Variants in DLG3 observed in about 807,000 individuals in gnomAD.
DLG3 encodes discs large MAGUK scaffold protein 3, also known as disks large homolog 3.
In DLG3, 1 loss-of-function variant was observed where a neutral mutation model predicts 64.1. The observed-to-expected ratio is 0.02, with a 90% CI of 0.01 to 0.07. The LOEUF is 0.07. Ranked by LOEUF, DLG3 falls within the 10% of genes least tolerant of loss-of-function variation. The pLI is 1.00. For synonymous variants in DLG3, 245 were observed against 259.8 expected (o/e 0.94, Z 0.55); for missense variants, 429 against 669.5 (o/e 0.64, Z 3.96).
At position 70,445,422 on chromosome X, in the gene DLG3, A is replaced by G. The variant is rs2086555920; in HGVS notation, c.221A>G (p.Lys74Arg). Residue 74 changes from lysine to arginine, a missense_variant, in exon 1 of 19, where the codon AAG (lysine) becomes AGG (arginine). Around this residue, in one of 9 missense-constraint regions of DLG3, gnomAD observed 123 missense variants for 113.3 expected, o/e 1.09. Coordinates refer to ENST00000374360, the MANE Select transcript of DLG3 (RefSeq NM_021120.4). ...GATPTPRTKA[K>R]LIPTGRDVGP... is the part of the protein sequence containing the mutation. ...ACCCCCACCCCTCGCACCAAGGCCA[A>G]GCTCATCCCCACCGGCCGGGATGTG... The G allele has an allele frequency of 1.7e-6, 2 of 1,195,332 alleles. No individual in the cohort carries two copies. Among genetic ancestry groups the G allele is most frequent in the Non-Finnish European group, 2.3e-6 (2 of 887,536 alleles).
rs761523735 is a variant in DLG3, at chrX:70,495,537, G to C, written c.1819+84G>C. The C allele has an allele frequency of 1.2e-5, 11 of 945,184 alleles. No homozygotes were observed. In the African/African-American group the frequency reaches 1.9e-4, roughly 17 times the overall value. The allele number at this position is 945,184 out of a possible 1,213,427, so 77.9% of individuals were successfully genotyped here. A position where few individuals can be genotyped will look rare whatever the true frequency, so the allele number is the denominator to read the frequency against. On this transcript the variant is annotated intron_variant, in intron 13 of 18. Coordinates refer to ENST00000374360, the MANE Select transcript of DLG3 (RefSeq NM_021120.4). ...TGGGGCTATTGGGGACATGGGTGAGGGTGAAGGGTGAGGGGAGGGCAGTGT... is the reference window on the plus strand; with the variant it reads ...TGGGGCTATTGGGGACATGGGTGAGCGTGAAGGGTGAGGGGAGGGCAGTGT...
Position 70,454,447 on chromosome X carries a change from C to G in DLG3, c.1405+131C>G, listed in dbSNP as rs191828163. The G allele has an allele frequency of 2.9e-4, 163 of 562,858 alleles. No individual in the cohort carries two copies. In the African/African-American group the frequency reaches 3.3e-3, roughly 11 times the overall value. 46.4% of individuals were successfully genotyped at this position (562,858 alleles called of 1,213,427 possible). On this transcript the variant is annotated intron_variant, in intron 9 of 18. Coordinates refer to ENST00000374360, the MANE Select transcript of DLG3 (RefSeq NM_021120.4). ...CTACCTAGAGCAGTAACCTCTTCCT[C>G]TCTCCTTTTCCTGCTGGGTAGGGGT...
chrX:70,485,046 G>T (rs1474822019), intron 10 of DLG3, among the ~76,000 whole-genome samples: 1 of 112,111 alleles, frequency 8.9e-6, no homozygotes, highest in Admixed American at 9.5e-5. Flanking sequence ...CAAGGGATGG[G>T]CTGCTTAGTT....
chrX:70,451,834 C>T (rs900304909), intron 6 of DLG3, 33 bp from the exon 7 acceptor site: 1 of 1,207,342 alleles, frequency 8.3e-7, no homozygotes, highest in Non-Finnish European at 1.1e-6. Context: ...CTGGACCAGT[C>T]TCTGAACTTT....
intron 5 of DLG3, 133 bp from the exon 6 acceptor site, chrX:70,450,506 C>G: frequency 1.1e-6 from 1 of 951,792 alleles, no homozygotes; most frequent in Non-Finnish European, 1.5e-6. Flanking sequence ...TACCTCCTGC[C>G]TCTGCTCCTC....
chrX:70,501,413 C>CTGTCTGTGTGTGTGTGTG (rs1421730747), intron 18 of DLG3, among the ~76,000 whole-genome samples: 9,497 of 93,564 alleles, frequency 0.1, 627 homozygotes, highest in Non-Finnish European at 0.14. Context: ...GTCTGTCTGT[C>CTGTCTGTGTGTGTGTGTG]TGTGTGTGTG....
chrX:70,501,913 C>A (rs1391443558), intron 18 of DLG3, among the ~76,000 whole-genome samples: 1 of 111,473 alleles, frequency 9.0e-6, no homozygotes, highest in Non-Finnish European at 1.9e-5. Flanking sequence ...TACTTAGTCT[C>A]ACTGTCTCAG....
intron 2 of DLG3, 38 bp from the exon 3 acceptor site, chrX:70,449,321 A>G (rs1158195115): frequency 1.7e-6 from 2 of 1,208,938 alleles, no homozygotes; most frequent in Non-Finnish European, 2.2e-6. Context: ...TTGTGCCCTC[A>G]GAGTGAACAG....
At chrX:70,453,825 G>A (rs56091554) in intron 8 of DLG3, 32 bp downstream of exon 8, 11 of 1,130,700 alleles carry the variant, frequency 9.7e-6, no homozygotes, top group Non-Finnish European at 1.3e-5. Context: ...GGGAGGATGG[G>A]AACTGTGCCA....
chrX:70,503,935 G>T lies in DLG3; in HGVS notation c.*1666G>T, dbSNP rs1449131444. 9.0e-6 allele frequency: 1 copy of T among 111,498 alleles called. No individual in the cohort carries two copies. Among genetic ancestry groups the T allele is most frequent in the Non-Finnish European group, 1.9e-5 (1 of 53,070 alleles). 9.2% of individuals were successfully genotyped at this position (111,498 alleles called of 1,213,427 possible). A position where few individuals can be genotyped will look rare whatever the true frequency, so the allele number is the denominator to read the frequency against. ...GAGAACAGAGAAGTGCTTGGCCCTA[G>T]GATTGAGGCACTTGTTTCCTAGCCC... On this transcript the variant is annotated 3_prime_UTR_variant, in exon 19 of 19. Transcript: ENST00000374360.
At position 70,479,274 on chromosome X, in the gene DLG3, C is replaced by T. The variant is rs912923537; in HGVS notation, c.1520+10C>T. ...GGTCCTTGTATGTCAGGTAAGTTGCCCTTCAGAGCACTAGCCCTTGTGCTG... is the reference window on the plus strand; with the variant it reads ...GGTCCTTGTATGTCAGGTAAGTTGCTCTTCAGAGCACTAGCCCTTGTGCTG... On this transcript the variant is annotated intron_variant, in intron 10 of 18. Transcript: ENST00000374360. 1 of 1,159,736 alleles carries T rather than the reference C, an allele frequency of 8.6e-7. No individual in the cohort carries two copies. The highest frequency in any genetic ancestry group is 1.2e-6 in the Non-Finnish European group (1 of 847,957).
rs754101037 is a variant in DLG3, at chrX:70,505,035, G to C, written c.*2766G>C. ...AGGAAGGGTGAGTCCTCTTGCTTGT[G>C]GTGCTTTATGGTGTGCAGGTTGCTT... is the stretch of plus-strand genomic sequence containing the variant. On this transcript the variant is annotated 3_prime_UTR_variant, in exon 19 of 19. Transcript: ENST00000374360. The C allele has an allele frequency of 2.7e-5, 3 of 112,781 alleles. No homozygotes were observed. Among genetic ancestry groups the C allele is most frequent in the African/African-American group, 9.7e-5 (3 of 31,022 alleles). The allele number at this position is 112,781 out of a possible 1,213,427, so 9.3% of individuals were successfully genotyped here.
intron 7 of DLG3, 54 bp from the exon 8 acceptor site, chrX:70,453,583 A>G (rs1029759258): frequency 3.0e-5 from 36 of 1,193,158 alleles, no homozygotes; most frequent in Non-Finnish European, 3.9e-5. Context: ...TGGCCCTCAA[A>G]GGACAACAGT....
At position 70,449,479 on chromosome X, in the gene DLG3, C is replaced by T; in HGVS notation, c.529C>T (p.Leu177=). 1.7e-6 allele frequency: 2 copies of T among 1,206,448 alleles called. No individual in the cohort carries two copies. Among genetic ancestry groups the T allele is most frequent in the Non-Finnish European group, 2.2e-6 (2 of 893,184 alleles). Residue 177 remains leucine (L), a synonymous_variant, in exon 3 of 19, where the codon CTG becomes TTG. Transcript: ENST00000374360. The part of the protein sequence containing the change: ...PGGAAAMDGR[L]GVNDCVLRVN... ...TGGAGCAGCTGCCATGGATGGGAGGCTGGGGTGAGATGGCCTGGAAGCAGG... is the reference window on the plus strand; with the variant it reads ...TGGAGCAGCTGCCATGGATGGGAGGTTGGGGTGAGATGGCCTGGAAGCAGG...
At chrX:70,483,663 C>A (rs776710380) in intron 10 of DLG3, among the ~76,000 whole-genome samples, 27 of 112,537 alleles carry the variant, frequency 2.4e-4, no homozygotes, top group South Asian at 1.1e-3. Context: ...AGGTGAAACC[C>A]TAGGGAGCTG....
intron 16 of DLG3, 147 bp downstream of exon 16, chrX:70,500,196 A>T (rs1479121362): frequency 1.9e-6 from 1 of 537,100 alleles, no homozygotes; most frequent in Non-Finnish European, 3.0e-6. Context: ...CGCCTTGACG[A>T]AGCTATCTGT....
At chrX:70,482,492 G>A (rs376387012) in intron 10 of DLG3, among the ~76,000 whole-genome samples, 10 of 110,741 alleles carry the variant, frequency 9.0e-5, no homozygotes, top group African/African-American at 3.3e-4. Context: ...TAGCTAAGAA[G>A]TTCAAAAACT....
Position 70,445,368 on chromosome X carries a change from C to T in DLG3, c.167C>T (p.Ser56Leu). 1 of 1,177,125 alleles carries T rather than the reference C, an allele frequency of 8.5e-7. No homozygotes were observed. ...AGCGCGGGTTATGGGGGCTACAGCT[C>T]GCAGACCTTGCCCTCGCAGGCGGGG... ...GASAGYGGYS[S>L]QTLPSQAGAT... Residue 56 changes from serine (S) to leucine (L), a missense_variant, in exon 1 of 19, where the codon TCG (serine) becomes TTG (leucine). Physicochemically the swap from Ser to Leu is moderately radical, Grantham distance 145. This residue lies in a region of DLG3 where 123 missense variants were observed against 113.3 expected (regional missense o/e 1.09). Coordinates refer to ENST00000374360, the MANE Select transcript of DLG3 (RefSeq NM_021120.4).
chrX:70,500,612 A>C (rs879011605), intron 17 of DLG3, 32 bp downstream of exon 17: 2 of 1,073,344 alleles, frequency 1.9e-6, no homozygotes, highest in South Asian at 3.7e-5. Context: ...CAGACACACC[A>C]AGCTAAGATC....
Sources: gnomAD v4.1 joint callset for allele counts (sites outside exome capture counted in the v4.1 genomes callset) on GRCh38, gnomAD v4.1.1 for gene constraint, gnomAD v4.1.1 regional missense constraint, MANE v1.5 for transcripts, NCBI Gene and HGNC (gene_info 2026-07-23, HGNC 2026-07-21) for gene names.